The following DLGAP2 variants were observed in gnomAD, a reference collection of about 807,000 sequenced individuals.
DLGAP2 encodes disks large-associated protein 2.
In DLGAP2, 26 loss-of-function variants were observed where a neutral mutation model predicts 100.3. That is an observed-to-expected ratio of 0.26 (90% CI 0.19 to 0.36). DLGAP2 has a LOEUF of 0.36. DLGAP2 is among the 10% of genes least tolerant of loss of function. The probability of loss-of-function intolerance (pLI) is 1.00; values close to 1 mark genes in which losing one functional copy is unlikely to be tolerated. For synonymous variants in DLGAP2, 886 were observed against 630.1 expected (o/e 1.41, Z -6.08); for missense variants, 1,858 against 1,453.2 (o/e 1.28, Z -4.53).
At chr8:1,366,046 C>T (rs1427703765) in intron 3 of DLGAP2, among the ~76,000 whole-genome samples, 2 of 152,228 alleles carry the variant, frequency 1.3e-5, no homozygotes, top group Non-Finnish European at 2.9e-5. Context: ...ATCCCAGGAA[C>T]CGCAGCCGGG....
intron 2 of DLGAP2, among the ~76,000 whole-genome samples, chr8:1,046,159 A>G (rs1448728312): frequency 6.6e-6 from 1 of 152,188 alleles, no homozygotes; most frequent in African/African-American, 2.4e-5. Context: ...AGCAGAAACC[A>G]TATTTCTGAA....
At chr8:917,654 C>G (rs887176157) in intron 2 of DLGAP2, among the ~76,000 whole-genome samples, 2 of 152,184 alleles carry the variant, frequency 1.3e-5, no homozygotes, top group Admixed American at 1.3e-4. Context: ...GATCTCAGCT[C>G]ATTGCAAACT....
chr8:1,608,442 A>G (rs1191554866), intron 6 of DLGAP2, among the ~76,000 whole-genome samples: 27 of 47,120 alleles, frequency 5.7e-4, no homozygotes, highest in African/African-American at 1.9e-3. Context: ...GATGGGGAAA[A>G]AACAGAACAG....
At chr8:1,288,645 G>C (rs998476386) in intron 3 of DLGAP2, among the ~76,000 whole-genome samples, 2 of 138,840 alleles carry the variant, frequency 1.4e-5, no homozygotes, top group Non-Finnish European at 3.1e-5. Context: ...GTGTGTGTGT[G>C]TACGTAGTTA....
At chr8:1,211,778 G>C (rs1472066433) in intron 2 of DLGAP2, among the ~76,000 whole-genome samples, 3 of 152,240 alleles carry the variant, frequency 2.0e-5, no homozygotes, top group Admixed American at 6.5e-5. Flanking sequence ...AGGAGGCTGA[G>C]GCAGGAGAAT....
chr8:1,191,486 A>G (rs1435999409), intron 2 of DLGAP2, among the ~76,000 whole-genome samples: 3 of 152,202 alleles, frequency 2.0e-5, no homozygotes, highest in Admixed American at 6.5e-5. Flanking sequence ...TTTTATCTAT[A>G]AGAAAATTCT....
chr8:1,193,887 G>A (rs1797693883), intron 2 of DLGAP2, among the ~76,000 whole-genome samples: 1 of 152,082 alleles, frequency 6.6e-6, no homozygotes, highest in African/African-American at 2.4e-5. Context: ...CGCCGCCCCC[G>A]CCTCCTGTCC....
intron 2 of DLGAP2, among the ~76,000 whole-genome samples, chr8:1,129,393 C>A (rs573410238): frequency 7.3e-6 from 1 of 137,468 alleles, no homozygotes; most frequent in East Asian, 2.1e-4. Flanking sequence ...CAGAGTGAGA[C>A]TCCATCTCAA....
chr8:1,448,415 C>G (rs1798041500), intron 3 of DLGAP2, among the ~76,000 whole-genome samples: 1 of 152,160 alleles, frequency 6.6e-6, no homozygotes, highest in African/African-American at 2.4e-5. Context: ...GTTTCTTAGT[C>G]CTGACTTCCA....
At chr8:777,092 T>A (rs1038379576) in intron 1 of DLGAP2, among the ~76,000 whole-genome samples, 2 of 152,202 alleles carry the variant, frequency 1.3e-5, no homozygotes, top group African/African-American at 4.8e-5. Context: ...TTGATCCCTT[T>A]ACCATTATGT....
intron 2 of DLGAP2, among the ~76,000 whole-genome samples, chr8:1,133,889 G>C (rs1446692632): frequency 6.6e-6 from 1 of 151,464 alleles, no homozygotes; most frequent in Non-Finnish European, 1.5e-5. Context: ...GTGCAGGTTT[G>C]TTACATAGGT....
chr8:1,675,689 A>ACACTT (rs2130850438), intron 10 of DLGAP2, among the ~76,000 whole-genome samples: 1 of 152,316 alleles, frequency 6.6e-6, no homozygotes, highest in East Asian at 1.9e-4. Flanking sequence ...CTTAGCTATG[A>ACACTT]CACTTCAGAG....
intron 3 of DLGAP2, among the ~76,000 whole-genome samples, chr8:1,259,270 T>A (rs1437318163): frequency 1.3e-5 from 2 of 152,178 alleles, no homozygotes; most frequent in African/African-American, 4.8e-5. Flanking sequence ...TTCCCGACTG[T>A]CGGTGGCTCA....
At chr8:1,685,431 G>T (rs959273151) in intron 12 of DLGAP2, among the ~76,000 whole-genome samples, 2 of 152,166 alleles carry the variant, frequency 1.3e-5, no homozygotes, top group African/African-American at 2.4e-5. Flanking sequence ...CAGCTTAATG[G>T]AACGTCCACT....
chr8:1,679,837 A>C (rs1039247264), intron 12 of DLGAP2, among the ~76,000 whole-genome samples: 7 of 152,118 alleles, frequency 4.6e-5, no homozygotes, highest in African/African-American at 1.7e-4. Flanking sequence ...CAAATGAGCC[A>C]GGCGTGGTGG....
At chr8:923,662 T>C (rs1417905881) in intron 2 of DLGAP2, among the ~76,000 whole-genome samples, 1 of 152,240 alleles carries the variant, frequency 6.6e-6, no homozygotes, top group Non-Finnish European at 1.5e-5. Flanking sequence ...CCCTCTGAGC[T>C]TGGTGCATAG....
At chr8:1,361,479 G>C (rs1352471434) in intron 3 of DLGAP2, among the ~76,000 whole-genome samples, 1 of 152,076 alleles carries the variant, frequency 6.6e-6, no homozygotes, top group African/African-American at 2.4e-5. Flanking sequence ...TCAGAACTAA[G>C]GTAACACACG....
At chr8:880,784 C>T (rs1260559356) in intron 1 of DLGAP2, among the ~76,000 whole-genome samples, 1 of 152,234 alleles carries the variant, frequency 6.6e-6, no homozygotes, top group African/African-American at 2.4e-5. Context: ...TCCCCATCCC[C>T]CACTTGCCAC....
chr8:816,016 T>C (rs1337385155), intron 1 of DLGAP2, among the ~76,000 whole-genome samples: 2 of 152,190 alleles, frequency 1.3e-5, no homozygotes. Context: ...TTATCTGATA[T>C]AAGAGTAGTT....
Sources: gnomAD v4.1 joint callset for allele counts (sites outside exome capture counted in the v4.1 genomes callset) on GRCh38, gnomAD v4.1.1 for gene constraint, MANE v1.5 for transcripts, NCBI Gene and HGNC (gene_info 2026-07-23, HGNC 2026-07-21) for gene names.